The following HTT variants were observed in gnomAD, a reference collection of about 807,000 sequenced individuals.
HTT encodes huntingtin, also known as huntington disease protein.
Under a neutral mutation model 362.3 loss-of-function variants are expected in HTT, and 104 were observed. That is an observed-to-expected ratio of 0.29 (90% CI 0.24 to 0.34). The LOEUF (loss-of-function observed/expected upper bound fraction) is 0.34. Among genes scored for constraint, HTT ranks in the 10% least tolerant of loss-of-function variants. The pLI, the probability that HTT is intolerant of heterozygous loss-of-function variation, is 1.00. For synonymous variants in HTT, 1,577 were observed against 1,548.7 expected (o/e 1.02, Z -0.43); for missense variants, 3,301 against 3,928.6 (o/e 0.84, Z 4.27).
At chr4:3,239,284 C>G (rs1721695633) in intron 66 of HTT, among the ~76,000 whole-genome samples, 1 of 152,206 alleles carries the variant, frequency 6.6e-6, no homozygotes, top group Admixed American at 6.5e-5. Context: ...ACGTCCCGCC[C>G]ACTCGCGGGC....
chr4:3,186,838 CT>C (rs1160738052), intron 38 of HTT, 119 bp downstream of exon 38: 26,604 of 249,346 alleles, frequency 0.11, 6 homozygotes, highest in South Asian at 0.15. Flanking sequence ...TGAGAGTTTG[CT>C]TTTTTTTTTT....
chr4:3,186,386 A>G (rs968959733), intron 37 of HTT, among the ~76,000 whole-genome samples: 2 of 152,196 alleles, frequency 1.3e-5, no homozygotes, highest in Non-Finnish European at 2.9e-5. Flanking sequence ...AATCTAAATG[A>G]CAAGATTTCT....
chr4:3,084,327 C>G (rs959830476), intron 1 of HTT, among the ~76,000 whole-genome samples: 1 of 151,220 alleles, frequency 6.6e-6, no homozygotes, highest in Non-Finnish European at 1.5e-5. Flanking sequence ...GTCTCAGTCT[C>G]CCATGTTCAG....
In HTT at chr4:3,148,191, C is replaced by T; in HGVS notation, c.3482C>T (p.Pro1161Leu). 6.3e-7 allele frequency: 1 copy of T among 1,583,430 alleles called. No homozygotes were observed. Among genetic ancestry groups the T allele is most frequent in the Non-Finnish European group, 8.6e-7 (1 of 1,164,108 alleles). ...ICAHVLDDVA[P>L]GPAIKAALPS... ...GCCCACGTCCTGGATGACGTGGCTC[C>T]TGGACCCGCAATAAAGGTAATGTCC... Residue 1161 changes from proline (P) to leucine (L), a missense_variant, in exon 26 of 67, where the codon CCT becomes CTT. Pro to Leu is a moderately conservative substitution (Grantham distance 98). This residue lies in a region of HTT where 2,316 missense variants were observed against 2,658.5 expected (regional missense o/e 0.87). Coordinates refer to ENST00000355072, the MANE Select transcript of HTT (RefSeq NM_001388492.1).
chr4:3,201,529 C>CAAAAAA (rs925357780), intron 41 of HTT, among the ~76,000 whole-genome samples: 7 of 61,606 alleles, frequency 1.1e-4, no homozygotes, highest in South Asian at 1.2e-3. Context: ...GACTCCATCT[C>CAAAAAA]AAAAAAAAAA....
At chr4:3,112,935 C>A in intron 6 of HTT, 2 of 516,732 alleles carry the variant, frequency 3.9e-6, no homozygotes, top group Non-Finnish European at 5.0e-6. Flanking sequence ...TACTCTTAGC[C>A]TTCCTGATGG....
At position 3,217,771 on chromosome 4, in the gene HTT, A is replaced by C; in HGVS notation, c.7061A>C (p.Lys2354Thr). Residue 2354 changes from lysine (K) to threonine (T), a missense_variant, in exon 52 of 67, where the codon AAG (lysine) becomes ACG (threonine). Lys to Thr is a moderately conservative substitution (Grantham distance 78). This residue lies in a region of HTT where 220 missense variants were observed against 218.5 expected (regional missense o/e 1.01). Transcript: ENST00000355072. ...TTAACCGTTGCTTGTTTAGATCCTA[A>C]GTATATCACTGCAGCCTGTGAGATG... Reference protein sequence around the residue: ...EEVDPNTQNPKYITAACEMVA... With the variant: ...EEVDPNTQNPTYITAACEMVA... The C allele has an allele frequency of 6.2e-7, 1 of 1,612,638 alleles. No individual in the cohort carries two copies. Among genetic ancestry groups the C allele is most frequent in the East Asian group, 2.2e-5 (1 of 44,844 alleles).
In HTT at chr4:3,240,138, A is replaced by G. The variant is rs1578622532; in HGVS notation, c.*79A>G. ...GTCTGCGCCCTTGTGCCCTGCCTCC[A>G]CCGAGCCAGCTTGGTCCCTATGGGC... is the stretch of plus-strand genomic sequence containing the variant. On this transcript the variant is annotated 3_prime_UTR_variant, in exon 67 of 67. Transcript: ENST00000355072. 7.9e-7 allele frequency: 1 copy of G among 1,271,176 alleles called. No individual in the cohort carries two copies. 78.7% of individuals were successfully genotyped at this position (1,271,176 alleles called of 1,614,324 possible). A position where few individuals can be genotyped will look rare whatever the true frequency, so the allele number is the denominator to read the frequency against.
chr4:3,079,162 C>T (rs1712748900), intron 1 of HTT, among the ~76,000 whole-genome samples: 1 of 151,658 alleles, frequency 6.6e-6, no homozygotes, highest in African/African-American at 2.4e-5. Flanking sequence ...TCCCAAAGTG[C>T]TAGGATTACA....
intron 22 of HTT, among the ~76,000 whole-genome samples, chr4:3,141,105 A>G (rs1382670800): frequency 3.3e-5 from 5 of 152,144 alleles, no homozygotes; most frequent in Non-Finnish European, 7.3e-5. Flanking sequence ...TTTATTGTGG[A>G]GCTTTTGAAT....
chr4:3,168,869 C>T (rs746096551), intron 29 of HTT, among the ~76,000 whole-genome samples: 4 of 152,090 alleles, frequency 2.6e-5, no homozygotes, highest in Non-Finnish European at 5.9e-5. Context: ...AGACTTTATA[C>T]TGTCTGTTTT....
intron 37 of HTT, among the ~76,000 whole-genome samples, chr4:3,183,678 G>T (rs1718628075): frequency 6.6e-6 from 1 of 152,208 alleles, no homozygotes; most frequent in Non-Finnish European, 1.5e-5. Context: ...TGTGGTCAGG[G>T]TCTCCCTGCC....
At chr4:3,094,073 A>C (rs1238626513) in intron 2 of HTT, among the ~76,000 whole-genome samples, 1 of 152,098 alleles carries the variant, frequency 6.6e-6, no homozygotes, top group Non-Finnish European at 1.5e-5. Context: ...CACGTTCTGC[A>C]GTGTTTGTGT....
At chr4:3,211,391 T>G (rs1196579242) in intron 47 of HTT, among the ~76,000 whole-genome samples, 1 of 152,232 alleles carries the variant, frequency 6.6e-6, no homozygotes, top group Non-Finnish European at 1.5e-5. Context: ...TAAACTAAGA[T>G]AGATGTTTTA....
rs770156701 is a variant in HTT, at chr4:3,146,871, T to A, written c.3218T>A (p.Leu1073Gln). The A allele has an allele frequency of 6.2e-7, 1 of 1,614,060 alleles. No homozygotes were observed. The highest frequency in any genetic ancestry group is 1.7e-5 in the Admixed American group (1 of 60,028). ...TVGMATMILT[L>Q]LSSAWFPLDL... ...GGGATGGCCACAATGATTCTGACCC[T>A]GCTCTCGTCAGCTTGGTTCCCATTG... is the stretch of plus-strand genomic sequence containing the variant. The change falls in exon 25 of 67, where the codon CTG (leucine) becomes CAG (glutamine). Residue 1073 changes from leucine (L) to glutamine (Q), a missense_variant. Leu to Gln is a moderately radical substitution (Grantham distance 113). This residue lies in a region of HTT where 2,316 missense variants were observed against 2,658.5 expected (regional missense o/e 0.87). Coordinates refer to ENST00000355072, the MANE Select transcript of HTT (RefSeq NM_001388492.1).
In HTT at chr4:3,207,284, A is replaced by G. The variant is rs2110270279; in HGVS notation, c.6079A>G (p.Ser2027Gly). ...EMLLAANLQS[S>G]MAQLPMEELN... ...CTAATGTGTTTTTGTCTATTAGAGC[A>G]GCATGGCCCAGTTGCCAATGGAAGA... The change falls in exon 45 of 67, where the codon AGC becomes GGC. Residue 2027 changes from serine (S) to glycine (G), a missense_variant. By Grantham distance (56) the Ser-to-Gly change is moderately conservative. Transcript: ENST00000355072. 6.2e-7 allele frequency: 1 copy of G among 1,613,820 alleles called. No homozygotes were observed. The highest frequency in any genetic ancestry group is 8.5e-7 in the Non-Finnish European group (1 of 1,179,802).
intron 28 of HTT, among the ~76,000 whole-genome samples, chr4:3,158,002 T>C (rs993450619): frequency 6.6e-6 from 1 of 152,024 alleles, no homozygotes; most frequent in Non-Finnish European, 1.5e-5. Flanking sequence ...GTTTTTTTTT[T>C]TTCTTTTTTA....
rs552742253 is a variant in HTT, at chr4:3,160,239, G to C, written c.3754-43G>C. 23 of 1,267,444 alleles carry C rather than the reference G, an allele frequency of 1.8e-5. No individual in the cohort carries two copies. The Admixed American group carries it at 4.5e-4, about 25-fold the overall frequency. The allele number at this position is 1,267,444 out of a possible 1,614,324, so 78.5% of individuals were successfully genotyped here. Reference sequence around the variant, plus strand: ...CTTTGGTTGTACATTATGAGATCGTGACAGGGCCAGTAACCGTGTGTTCTC... The same window carrying C: ...CTTTGGTTGTACATTATGAGATCGTCACAGGGCCAGTAACCGTGTGTTCTC... On this transcript the variant is annotated intron_variant, in intron 28 of 66. Coordinates refer to ENST00000355072, the MANE Select transcript of HTT (RefSeq NM_001388492.1).
At chr4:3,144,310 G>C (rs56134819) in intron 23 of HTT, among the ~76,000 whole-genome samples, 5,278 of 152,030 alleles carry the variant, frequency 0.035, 281 homozygotes, top group African/African-American at 0.12. Context: ...TGGTGACCAG[G>C]TTAAACCTTT....
Sources: allele counts gnomAD v4.1 joint callset (sites outside exome capture counted in the v4.1 genomes callset), GRCh38; gene constraint gnomAD v4.1.1; regional missense constraint gnomAD v4.1.1; transcripts MANE v1.5; gene names NCBI Gene and HGNC (gene_info 2026-07-23, HGNC 2026-07-21).